The following MST1 variants were observed in gnomAD, a reference collection of about 807,000 sequenced individuals.
MST1 encodes the protein macrophage stimulating 1, also known as hepatocyte growth factor-like protein.
A neutral mutation model predicts 100.1 loss-of-function variants in MST1; 76 were observed. The ratio of observed to expected loss-of-function variants is 0.76; its 90% CI spans 0.63 to 0.92. The LOEUF (loss-of-function observed/expected upper bound fraction) is 0.92. Ranked by LOEUF, MST1 falls within the 40% of genes least tolerant of loss-of-function variation. The probability of loss-of-function intolerance (pLI) is 0.00; values close to 1 mark genes in which losing one functional copy is unlikely to be tolerated. For synonymous variants in MST1, 352 were observed against 385.4 expected (o/e 0.91, Z 1.01); for missense variants, 850 against 990.0 (o/e 0.86, Z 1.90).
At chr3:49,688,382 GAC>G in intron 1 of MST1, 2 of 523,490 alleles carry the variant, frequency 3.8e-6, no homozygotes, top group Non-Finnish European at 7.0e-6. Flanking sequence ...GTGTGGTCCT[GAC>G]ACTGCTTCAG....
In MST1 at chr3:49,684,559, C is replaced by T; in HGVS notation, c.1867G>A (p.Glu623Lys). 6.2e-7 allele frequency: 1 copy of T among 1,613,740 alleles called. No homozygotes were observed. The highest frequency in any genetic ancestry group is 8.5e-7 in the Non-Finnish European group (1 of 1,179,858). ...TGCACTGTGCTCTTACCTTTGGTCT[C>T]ACCCCAGCCTGCAATCTCACACTTG... Reference protein sequence around the residue: ...GTKCEIAGWGETKGTGNDTVL... With the variant: ...GTKCEIAGWGKTKGTGNDTVL... Residue 623 changes from glutamate (E) to lysine (K), a missense_variant, in exon 16 of 18, where the codon GAG (glutamate) becomes AAG (lysine). Physicochemically the swap from Glu to Lys is moderately conservative, Grantham distance 56. This residue lies in a region of MST1 where 816 missense variants were observed against 924.6 expected (regional missense o/e 0.88). Transcript: ENST00000449682.
rs763225685 is a variant in MST1, at chr3:49,684,862, C to T, written c.1645G>A (p.Glu549Lys). 28 of 1,613,482 alleles carry T rather than the reference C, an allele frequency of 1.7e-5. No homozygotes were observed. The highest frequency in any genetic ancestry group is 3.3e-4 in the Middle Eastern group (2 of 6,078). ...SSCHMPLTGYEVWLGTLFQNP... is the reference protein window; with the variant it reads ...SSCHMPLTGYKVWLGTLFQNP... The stretch of plus-strand genomic sequence containing the variant: ...TGGAACAGGGTGCCCAACCATACCT[C>T]ATAGCCCGTGAGAGGCATATGGCTG... The change falls in exon 15 of 18, where the codon GAG becomes AAG. Residue 549 changes from glutamate (E) to lysine (K), a missense_variant. Glu to Lys is a moderately conservative substitution (Grantham distance 56, BLOSUM62 1). Transcript: ENST00000449682.
rs142503620 is a variant in MST1 at position 49,686,434 on chromosome 3, G to A, written c.895C>T (p.Arg299Cys). 1 of 1,612,636 alleles carries A rather than the reference G, an allele frequency of 6.2e-7. No individual in the cohort carries two copies. The highest frequency in any genetic ancestry group is 8.5e-7 in the Non-Finnish European group (1 of 1,179,860). ...RQEATTVSCF[R>C]GKGEGYRGTA... ...CCCCGGTAGCCCTCACCCTTCCCGC[G>A]GAAGCAGCTGACAGTTGTGGCCTCT... The change falls in exon 8 of 18, where the codon CGC (arginine) becomes TGC (cysteine). Residue 299 changes from arginine to cysteine, a missense_variant. By Grantham distance (180) the Arg-to-Cys change is radical (BLOSUM62 -3). Around this residue, in one of 2 missense-constraint regions of MST1, gnomAD observed 816 missense variants for 924.6 expected, o/e 0.88. Coordinates refer to ENST00000449682, the MANE Select transcript of MST1 (RefSeq NM_020998.4).
In MST1 at chr3:49,687,294, C is replaced by A; in HGVS notation, c.471-9G>T. 1 of 1,613,508 alleles carries A rather than the reference C, an allele frequency of 6.2e-7. No homozygotes were observed. Among genetic ancestry groups the A allele is most frequent in the East Asian group, 2.2e-5 (1 of 44,890 alleles). On this transcript the variant is annotated splice_polypyrimidine_tract_variant and intron_variant, in intron 4 of 17. Transcript: ENST00000449682. ...GGAGAGTGGGCGTGTACCTGAGGGC[C>A]CAGAGCATCACTATAGTGTGTGCTG...
At position 49,686,131 on chromosome 3, in the gene MST1, G is replaced by A. The variant is rs2053712598; in HGVS notation, c.1078C>T (p.Leu360=). 1.9e-6 allele frequency: 3 copies of A among 1,611,350 alleles called. No individual in the cohort carries two copies. Among genetic ancestry groups the A allele is most frequent in the East Asian group, 4.5e-5 (2 of 44,812 alleles). Residue 360 remains leucine, a synonymous_variant, in exon 9 of 18, where the codon CTG becomes TTG. Transcript: ENST00000449682. ...DGSEAPWCFT[L]RPGMRAAFCY... is the part of the protein sequence containing the mutation. ...AAGGCCGCGCGCATGCCGGGCCGCA[G>A]TGTGAAGCACCAGGGCGCCTCTGAG...
intron 10 of MST1, 50 bp from the exon 11 acceptor site, chr3:49,685,782 C>T (rs755730473): frequency 1.9e-6 from 3 of 1,612,842 alleles, no homozygotes; most frequent in Admixed American, 3.3e-5. Flanking sequence ...CAACCATTTC[C>T]AGGCTCTGGT....
chr3:49,687,031 C>G lies in MST1; in HGVS notation c.644G>C (p.Gly215Ala). Residue 215 changes from glycine (G) to alanine (A), a missense_variant, in exon 6 of 18, where the codon GGC becomes GCC. Around this residue, in one of 2 missense-constraint regions of MST1, gnomAD observed 816 missense variants for 924.6 expected, o/e 0.88. Coordinates refer to ENST00000449682, the MANE Select transcript of MST1 (RefSeq NM_020998.4). ...CVWCNGEEYR[G>A]AVDRTESGRE... is the part of the protein sequence containing the mutation. ...CCCTGACTCCGTGCGGTCTACCGCGCCGCGGTATTCCTCGCCATTGCACCA... is the reference window on the plus strand; with the variant it reads ...CCCTGACTCCGTGCGGTCTACCGCGGCGCGGTATTCCTCGCCATTGCACCA... 6 of 1,611,678 alleles carry G rather than the reference C, an allele frequency of 3.7e-6. No homozygotes were observed. Among genetic ancestry groups the G allele is most frequent in the Non-Finnish European group, 4.2e-6 (5 of 1,179,854 alleles).
At position 49,685,663 on chromosome 3, in the gene MST1, G is replaced by A; in HGVS notation, c.1320C>T (p.Ser440=). 1 of 1,613,412 alleles carries A rather than the reference G, an allele frequency of 6.2e-7. No homozygotes were observed. The highest frequency in any genetic ancestry group is 1.3e-5 in the African/African-American group (1 of 75,030). Residue 440 remains serine, a synonymous_variant, in exon 11 of 18, where the codon AGC becomes AGT. Transcript: ENST00000449682. The stretch of plus-strand genomic sequence containing the variant: ...CCATCGTGTAGCACCAGGGCCCATG[G>A]CTATCCCCATCTGGGTTCCGGCAGA... ...ENFCRNPDGD[S]HGPWCYTMDP... is the part of the protein sequence containing the mutation.
At chr3:49,685,785 G>C (rs1402503494) in intron 10 of MST1, 53 bp from the exon 11 acceptor site, 4 of 1,612,804 alleles carry the variant, frequency 2.5e-6, no homozygotes, top group Non-Finnish European at 3.4e-6. Context: ...CCATTTCCAG[G>C]CTCTGGTCCC....
chr3:49,685,397 G>C lies in MST1; in HGVS notation c.1424-15C>G. The C allele has an allele frequency of 6.2e-7, 1 of 1,613,694 alleles. No individual in the cohort carries two copies. The highest frequency in any genetic ancestry group is 1.1e-5 in the South Asian group (1 of 91,076). ...CTGCACCTGGTCTGTAGGATGGGGT[G>C]GGCTGGATGAAACCCAGACTGTGTG... On this transcript the variant is annotated splice_polypyrimidine_tract_variant and intron_variant, in intron 12 of 17. Transcript: ENST00000449682.
chr3:49,684,670 G>A lies in MST1; in HGVS notation c.1770-14C>T. 2 of 1,613,460 alleles carry A rather than the reference G, an allele frequency of 1.2e-6. No homozygotes were observed. Among genetic ancestry groups the A allele is most frequent in the Non-Finnish European group, 1.7e-6 (2 of 1,179,770 alleles). On this transcript the variant is annotated splice_polypyrimidine_tract_variant and intron_variant, in intron 15 of 17. Transcript: ENST00000449682. ...AGGGTCACAGATCTTTAGCAAGAAT[G>A]GGGGCACTCAGGGTCTGAGGCCACA...
rs2053562904 is a variant in MST1, at chr3:49,684,856, A to G, written c.1651T>C (p.Trp551Arg). Reference protein sequence around the residue: ...CHMPLTGYEVWLGTLFQNPQH... With the variant: ...CHMPLTGYEVRLGTLFQNPQH... ...GGGTTCTGGAACAGGGTGCCCAACC[A>G]TACCTCATAGCCCGTGAGAGGCATA... Residue 551 changes from tryptophan to arginine, a missense_variant, in exon 15 of 18, where the codon TGG becomes CGG. By Grantham distance (101) the Trp-to-Arg change is moderately radical. This residue lies in a region of MST1 where 816 missense variants were observed against 924.6 expected (regional missense o/e 0.88). Coordinates refer to ENST00000449682, the MANE Select transcript of MST1 (RefSeq NM_020998.4). 3 of 1,613,610 alleles carry G rather than the reference A, an allele frequency of 1.9e-6. No individual in the cohort carries two copies. Among genetic ancestry groups the G allele is most frequent in the Non-Finnish European group, 2.5e-6 (3 of 1,179,820 alleles).
In MST1 at chr3:49,685,911, C is replaced by A. The variant is rs530644650; in HGVS notation, c.1199G>T (p.Arg400Leu). The A allele has an allele frequency of 6.2e-7, 1 of 1,608,976 alleles. No homozygotes were observed. The highest frequency in any genetic ancestry group is 8.5e-7 in the Non-Finnish European group (1 of 1,179,116). Residue 400 changes from arginine to leucine, a missense_variant, in exon 10 of 18, where the codon CGC becomes CTC. By Grantham distance (102) the Arg-to-Leu change is moderately radical. This residue lies in a region of MST1 where 816 missense variants were observed against 924.6 expected (regional missense o/e 0.88). Coordinates refer to ENST00000449682, the MANE Select transcript of MST1 (RefSeq NM_020998.4). ...EQYRGTVSKT[R>L]KGVQCQRWSA... ...CCAGCGCTGGCACTGGACACCCTTG[C>A]GGGTCTTGCTGACCGTGCCGCGGTA...
intron 1 of MST1, 185 bp from the exon 2 acceptor site, chr3:49,688,082 G>GA (rs2053943157): frequency 7.2e-6 from 7 of 970,150 alleles, no homozygotes. Context: ...ATTTCCCCTG[G>GA]GAAGCAGGCC....
intron 11 of MST1, 23 bp downstream of exon 11, chr3:49,685,573 G>C: frequency 6.2e-7 from 1 of 1,613,340 alleles, no homozygotes; most frequent in Non-Finnish European, 8.5e-7. Context: ...CAGGGTCATG[G>C]GGGAAGCGTC....
chr3:49,687,115 C>T (rs1420622916), intron 5 of MST1, 34 bp downstream of exon 5: 2 of 1,612,938 alleles, frequency 1.2e-6, no homozygotes, highest in Middle Eastern at 1.7e-4. Flanking sequence ...GGGCTTGTCC[C>T]TCCACTCTCC....
rs367681664 is a variant in MST1 at position 49,685,745 on chromosome 3, G to A, written c.1251-13C>T. ...GGTAAACGTGAACCTAGGCGGAAGC[G>A]GGAGCAAAATCGTGGCAGGGTAGTC... On this transcript the variant is annotated splice_polypyrimidine_tract_variant and intron_variant, in intron 10 of 17. Coordinates refer to ENST00000449682, the MANE Select transcript of MST1 (RefSeq NM_020998.4). 5.6e-6 allele frequency: 9 copies of A among 1,613,010 alleles called. No homozygotes were observed. In the African/African-American group the frequency reaches 1.1e-4, roughly 19 times the overall value.
chr3:49,686,087 A>G lies in MST1; in HGVS notation c.1122T>C (p.Arg374=), dbSNP rs2053708037. ...CCTGGGGCCGCACGTCGTCTGTACA[A>G]CGCCGGATCTGGTAGCAAAAGGCCG... The part of the protein sequence containing the change: ...MRAAFCYQIR[R]CTDDVRPQDC... Residue 374 remains arginine, a synonymous_variant, in exon 9 of 18, where the codon CGT becomes CGC. Transcript: ENST00000449682. 4 of 1,610,556 alleles carry G rather than the reference A, an allele frequency of 2.5e-6. No individual in the cohort carries two copies. The highest frequency in any genetic ancestry group is 1.7e-5 in the Admixed American group (1 of 59,944).
intron 5 of MST1, 28 bp from the exon 6 acceptor site, chr3:49,687,095 G>C (rs1485677522): frequency 6.2e-7 from 1 of 1,612,720 alleles, no homozygotes; most frequent in Admixed American, 1.7e-5. Context: ...GTGGGTTCGT[G>C]GATGGACGTG....
Sources: gnomAD v4.1 joint callset for allele counts on GRCh38, gnomAD v4.1.1 for gene constraint, gnomAD v4.1.1 regional missense constraint, MANE v1.5 for transcripts, NCBI Gene and HGNC (gene_info 2026-07-23, HGNC 2026-07-21) for gene names.